The following TTC28 variants were observed in gnomAD, a reference collection of about 807,000 sequenced individuals.
TTC28 encodes tetratricopeptide repeat protein 28.
A neutral mutation model predicts 198.0 loss-of-function variants in TTC28; 61 were observed. The observed-to-expected ratio is 0.31, with a 90% CI of 0.25 to 0.38. TTC28 has a LOEUF of 0.38. Ranked by LOEUF, TTC28 falls within the 10% of genes least tolerant of loss-of-function variation. TTC28 has a pLI of 1.00. For synonymous variants in TTC28, 1,171 were observed against 1,297.8 expected, an observed-to-expected ratio of 0.90 and a Z score of 2.10; for missense variants, 2,678 against 3,164.0, an observed-to-expected ratio of 0.85 and a Z score of 3.69.
chr22:28,342,813 A>T (rs1470016930), intron 2 of TTC28, among the ~76,000 whole-genome samples: 2 of 152,200 alleles, frequency 1.3e-5, no homozygotes, highest in Non-Finnish European at 2.9e-5. Context: ...CACACAATGC[A>T]GACTAACCAG....
chr22:28,535,901 T>A (rs2049260246), intron 2 of TTC28, among the ~76,000 whole-genome samples: 1 of 151,998 alleles, frequency 6.6e-6, no homozygotes, highest in African/African-American at 2.4e-5. Flanking sequence ...TTAAATCTCT[T>A]TTCTTTATAA....
chr22:28,551,195 C>T (rs2049664880), intron 2 of TTC28, among the ~76,000 whole-genome samples: 1 of 151,900 alleles, frequency 6.6e-6, no homozygotes, highest in South Asian at 2.1e-4. Context: ...TATAGAATCT[C>T]GGGACAGACC....
At chr22:28,447,091 T>C (rs1037793141) in intron 2 of TTC28, among the ~76,000 whole-genome samples, 1 of 152,176 alleles carries the variant, frequency 6.6e-6, no homozygotes, top group African/African-American at 2.4e-5. Flanking sequence ...GGTTCTTTCT[T>C]ATAAACCACT....
At position 28,306,617 on chromosome 22, in the gene TTC28, G is replaced by A. The variant is rs1167490350; in HGVS notation, c.408C>T (p.Leu136=). ...CATCGGCATGACGTCCAAGGTACTG[G>A]AGGGCAACACCCTGTCGGAAGTATG... is the stretch of plus-strand genomic sequence containing the variant. ...PKAYFRQGVA[L]QYLGRHADAL... is the part of the protein sequence containing the mutation. Residue 136 remains leucine (L), a synonymous_variant, in exon 3 of 23, where the codon CTC becomes CTT. Coordinates refer to ENST00000397906, the MANE Select transcript of TTC28 (RefSeq NM_001145418.2). 2 of 1,551,566 alleles carry A rather than the reference G, an allele frequency of 1.3e-6. No homozygotes were observed. Among genetic ancestry groups the A allele is most frequent in the Admixed American group, 3.9e-5 (2 of 50,992 alleles).
chr22:28,148,164 G>A (rs1245613671), intron 6 of TTC28, among the ~76,000 whole-genome samples: 5 of 152,180 alleles, frequency 3.3e-5, no homozygotes, highest in Non-Finnish European at 7.3e-5. Context: ...TAGGGCAAAG[G>A]ACCATGTAAA....
At chr22:28,560,199 G>A (rs2049846585) in intron 2 of TTC28, among the ~76,000 whole-genome samples, 1 of 152,074 alleles carries the variant, frequency 6.6e-6, no homozygotes. Context: ...ATGCTATCTG[G>A]AAAACATATC....
intron 12 of TTC28, among the ~76,000 whole-genome samples, chr22:28,084,049 G>A (rs917635270): frequency 2.6e-5 from 4 of 152,250 alleles, no homozygotes; most frequent in Non-Finnish European, 5.9e-5. Context: ...ACAGCTCAAG[G>A]AGGCCTGCTT....
intron 2 of TTC28, among the ~76,000 whole-genome samples, chr22:28,314,546 CCTA>C (rs940285492): frequency 6.6e-6 from 1 of 152,054 alleles, no homozygotes; most frequent in African/African-American, 2.4e-5. Context: ...ACAGAGGCCT[CCTA>C]AATAACACCA....
chr22:28,366,618 C>G (rs2046250905), intron 2 of TTC28, among the ~76,000 whole-genome samples: 1 of 151,930 alleles, frequency 6.6e-6, no homozygotes, highest in African/African-American at 2.4e-5. Flanking sequence ...TGTAAATGAA[C>G]TAAACTCTCC....
At chr22:28,187,180 T>G (rs531375706) in intron 5 of TTC28, among the ~76,000 whole-genome samples, 1 of 151,876 alleles carries the variant, frequency 6.6e-6, no homozygotes, top group Non-Finnish European at 1.5e-5. Flanking sequence ...TGAGCAAGAG[T>G]GAGAGGAACT....
At chr22:28,371,581 CAAAAAAAA>C (rs147727536) in intron 2 of TTC28, among the ~76,000 whole-genome samples, 10,210 of 32,284 alleles carry the variant, frequency 0.32, 2,259 homozygotes, top group Middle Eastern at 0.69. Context: ...TCATCTTAAC[CAAAAAAAA>C]AAAAAAAAAT....
At chr22:28,628,561 T>C (rs2051115160) in intron 2 of TTC28, among the ~76,000 whole-genome samples, 3 of 152,296 alleles carry the variant, frequency 2.0e-5, no homozygotes, top group South Asian at 4.1e-4. Context: ...TCATCCTATA[T>C]ATCTGCAACT....
At chr22:28,017,301 T>C (rs1938414229) in intron 13 of TTC28, among the ~76,000 whole-genome samples, 1 of 152,198 alleles carries the variant, frequency 6.6e-6, no homozygotes, top group African/African-American at 2.4e-5. Flanking sequence ...CCGGTGGCGC[T>C]AACCCATCCC....
At chr22:28,606,859 G>C (rs534636829) in intron 2 of TTC28, among the ~76,000 whole-genome samples, 23 of 152,246 alleles carry the variant, frequency 1.5e-4, no homozygotes, top group African/African-American at 5.5e-4. Flanking sequence ...TCCATAACAT[G>C]AAAAGAAGTG....
chr22:28,170,310 AC>A (rs1432015920), intron 5 of TTC28, among the ~76,000 whole-genome samples: 3 of 151,554 alleles, frequency 2.0e-5, no homozygotes, highest in Non-Finnish European at 4.4e-5. Context: ...ACACGGTGAA[AC>A]CCCGTCTCTA....
rs201546989 is a variant in TTC28, at chr22:27,996,216, T to C, written c.5163A>G (p.Ser1721=). Residue 1721 remains serine (S), a synonymous_variant, in exon 17 of 23, where the codon TCA becomes TCG. Coordinates refer to ENST00000397906, the MANE Select transcript of TTC28 (RefSeq NM_001145418.2). ...CTGTGAGGGCCTGGCCGATGAGTGA[T>C]GAGGGGCTGTTCAGCTTAACGTCAC... ...IGSDVKLNSP[S]SLIGQALTEI... 1 of 1,551,198 alleles carries C rather than the reference T, an allele frequency of 6.4e-7. No individual in the cohort carries two copies. The highest frequency in any genetic ancestry group is 8.7e-7 in the Non-Finnish European group (1 of 1,146,994).
intron 5 of TTC28, among the ~76,000 whole-genome samples, chr22:28,235,720 T>C (rs533425954): frequency 6.6e-6 from 1 of 152,286 alleles, no homozygotes; most frequent in South Asian, 2.1e-4. Context: ...TGGGGAAAAC[T>C]GAATAGTCTT....
intron 13 of TTC28, among the ~76,000 whole-genome samples, chr22:28,027,258 T>C (rs896769645): frequency 3.3e-5 from 5 of 152,214 alleles, no homozygotes; most frequent in Non-Finnish European, 7.3e-5. Flanking sequence ...CTCTGCCCTC[T>C]GGGGCTCACA....
intron 5 of TTC28, among the ~76,000 whole-genome samples, chr22:28,164,022 T>C (rs1156786614): frequency 6.6e-6 from 1 of 152,246 alleles, no homozygotes; most frequent in Non-Finnish European, 1.5e-5. Flanking sequence ...CAGAGGGTCC[T>C]ATGCCCATGG....
Sources: gnomAD v4.1 joint callset for allele counts (sites outside exome capture counted in the v4.1 genomes callset) on GRCh38, gnomAD v4.1.1 for gene constraint, MANE v1.5 for transcripts, NCBI Gene and HGNC (gene_info 2026-07-23, HGNC 2026-07-21) for gene names.